Variants in PAGE2B observed in about 807,000 individuals in gnomAD.
PAGE2B encodes PAGE family member 2B, also known as putative G antigen family E member 3.
Under a neutral mutation model 7.6 loss-of-function variants are expected in PAGE2B, and 5 were observed. That is an observed-to-expected ratio of 0.66 (90% CI 0.34 to 1.38). The LOEUF is 1.38. PAGE2B is among the 40% of genes most tolerant of loss of function. The probability of loss-of-function intolerance (pLI) is 0.04; values close to 1 mark genes in which losing one functional copy is unlikely to be tolerated. For synonymous variants in PAGE2B, 29 were observed against 26.7 expected (o/e 1.09, Z -0.27); for missense variants, 70 against 78.4 (o/e 0.89, Z 0.41).
chrX:55,042,217 C>T, the PAGE2B span, among the ~76,000 whole-genome samples: 3 of 111,348 alleles, frequency 2.7e-5, no homozygotes, highest in Non-Finnish European at 5.6e-5. Context: ...TTTCAGGATA[C>T]AAAATTAATG....
chrX:55,036,886 A>G, the PAGE2B span, among the ~76,000 whole-genome samples: 2 of 110,127 alleles, frequency 1.8e-5, no homozygotes, highest in African/African-American at 3.3e-5. Context: ...CTTACACCTT[A>G]TACAAAAATT....
At chrX:55,034,239 T>C in the PAGE2B span, among the ~76,000 whole-genome samples, 1 of 112,022 alleles carries the variant, frequency 8.9e-6, no homozygotes, top group East Asian at 2.8e-4. Context: ...CTGTGGTTTC[T>C]TCTTCATGTA....
chrX:55,047,829 A>C, the PAGE2B span, among the ~76,000 whole-genome samples: 1 of 111,857 alleles, frequency 8.9e-6, no homozygotes, highest in Admixed American at 9.5e-5. Context: ...ATTAGATCCC[A>C]TTTGTCAATT....
At chrX:55,060,870 G>A in the PAGE2B span, among the ~76,000 whole-genome samples, 1 of 110,737 alleles carries the variant, frequency 9.0e-6, no homozygotes, top group Admixed American at 9.7e-5. Flanking sequence ...TGAAAAGTGT[G>A]TCTATTTATT....
intron 2 of PAGE2B, 136 bp downstream of exon 2, chrX:55,076,261 G>T: frequency 4.0e-6 from 3 of 749,523 alleles, no homozygotes; most frequent in Non-Finnish European, 5.7e-6. Context: ...AGGAAACGTT[G>T]GTTCAGGAAT....
chrX:55,061,556 A>G, the PAGE2B span, among the ~76,000 whole-genome samples: 1 of 111,585 alleles, frequency 9.0e-6, no homozygotes, highest in African/African-American at 3.3e-5. Flanking sequence ...TAAATGGGGT[A>G]TCCATCACTT....
chrX:55,063,191 G>A, the PAGE2B span, among the ~76,000 whole-genome samples: 1 of 111,220 alleles, frequency 9.0e-6, no homozygotes, highest in African/African-American at 3.3e-5. Flanking sequence ...GTTTTGGGTA[G>A]TATGGACATT....
chrX:55,038,017 A>G, the PAGE2B span, among the ~76,000 whole-genome samples: 2 of 109,234 alleles, frequency 1.8e-5, no homozygotes, highest in African/African-American at 3.3e-5. Flanking sequence ...AAACCTGCAC[A>G]TTGTGCACAT....
chrX:55,036,515 T>C, the PAGE2B span, among the ~76,000 whole-genome samples: 9,159 of 111,034 alleles, frequency 0.082, 926 homozygotes, highest in African/African-American at 0.28. Flanking sequence ...CATGAAGGGT[T>C]GTTGAATTTT....
At chrX:55,077,918 G>A (rs1188971912) in intron 4 of PAGE2B, among the ~76,000 whole-genome samples, 15 of 102,686 alleles carry the variant, frequency 1.5e-4, no homozygotes, top group Admixed American at 4.2e-4. Context: ...TTTACAATGT[G>A]TATATATATA....
chrX:55,065,102 G>A, the PAGE2B span, among the ~76,000 whole-genome samples: 1 of 111,792 alleles, frequency 8.9e-6, no homozygotes. Flanking sequence ...ATGTATCTTT[G>A]CTGATTTTCT....
chrX:55,069,935 TC>T, the PAGE2B span, among the ~76,000 whole-genome samples: 1 of 112,098 alleles, frequency 8.9e-6, no homozygotes, highest in Non-Finnish European at 1.9e-5. Context: ...TTCTCTCTTT[TC>T]TTCTTTATCA....
the PAGE2B span, among the ~76,000 whole-genome samples, chrX:55,060,298 T>A: frequency 1.8e-5 from 2 of 111,716 alleles, no homozygotes; most frequent in South Asian, 7.5e-4. Flanking sequence ...TTTTGTTTTT[T>A]AATGATGGTA....
the PAGE2B span, among the ~76,000 whole-genome samples, chrX:55,029,899 A>T: frequency 9.1e-6 from 1 of 110,346 alleles, no homozygotes; most frequent in Non-Finnish European, 1.9e-5. Context: ...GCCAACTGCA[A>T]CTCTACCCCA....
chrX:55,076,352 GTATATGTA>G (rs1195549592), intron 2 of PAGE2B, among the ~76,000 whole-genome samples: 19 of 102,336 alleles, frequency 1.9e-4, no homozygotes, highest in African/African-American at 4.9e-4. Flanking sequence ...GTGTGTGTGT[GTATATGTA>G]TATATGTATA....
chrX:55,035,934 A>G, the PAGE2B span, among the ~76,000 whole-genome samples: 1 of 111,891 alleles, frequency 8.9e-6, no homozygotes, highest in South Asian at 3.8e-4. Flanking sequence ...ACCCATTAGC[A>G]TGGAATGTTC....
chrX:55,070,456 T>C (rs1936438516), upstream of PAGE2B, among the ~76,000 whole-genome samples: 1 of 111,804 alleles, frequency 8.9e-6, no homozygotes, highest in Non-Finnish European at 1.9e-5. Flanking sequence ...CTTCCAATTA[T>C]GTGGTCAATT....
the PAGE2B span, among the ~76,000 whole-genome samples, chrX:55,045,524 GA>G: frequency 5.5e-5 from 6 of 108,801 alleles, no homozygotes; most frequent in East Asian, 2.9e-4. Context: ...CTTATCATCT[GA>G]AAAAAAAATA....
At chrX:55,036,931 C>G in the PAGE2B span, among the ~76,000 whole-genome samples, 1 of 109,959 alleles carries the variant, frequency 9.1e-6, no homozygotes, top group African/African-American at 3.3e-5. Context: ...CATGTTAGAC[C>G]TAAAACCATA....
Sources: gnomAD v4.1 joint callset for allele counts (sites outside exome capture counted in the v4.1 genomes callset) on GRCh38, gnomAD v4.1.1 for gene constraint, MANE v1.5 for transcripts, NCBI Gene and HGNC (gene_info 2026-07-23, HGNC 2026-07-21) for gene names.